TMEM184B: variants seen among roughly 807,000 people sequenced by gnomAD.
TMEM184B encodes the protein transmembrane protein 184B.
In TMEM184B, 17 loss-of-function variants were observed where a neutral mutation model predicts 41.8. The observed-to-expected ratio is 0.41, with a 90% CI of 0.28 to 0.61. The LOEUF is 0.61. Ranked by LOEUF, TMEM184B falls within the 20% of genes least tolerant of loss-of-function variation. TMEM184B has a pLI of 0.34. For missense variants in TMEM184B, 393 were observed against 557.8 expected (o/e 0.70, Z 2.98); for synonymous variants, 240 against 229.5 (o/e 1.05, Z -0.41).
intron 1 of TMEM184B, among the ~76,000 whole-genome samples, chr22:38,267,510 G>A (rs2092461020): frequency 6.7e-6 from 1 of 149,590 alleles, no homozygotes; most frequent in African/African-American, 2.5e-5. Flanking sequence ...TCAGCTCACT[G>A]CAACCTCCGC....
At position 38,272,955 on chromosome 22, in the gene TMEM184B, G is replaced by A. The variant is rs896270611; in HGVS notation, c.-130C>T. The A allele has an allele frequency of 2.3e-4, 86 of 374,336 alleles. No homozygotes were observed. The highest frequency in any genetic ancestry group is 3.2e-4 in the Admixed American group (5 of 15,394). The allele number at this position is 374,336 out of a possible 1,614,324, so 23.2% of individuals were successfully genotyped here. ...GCCGGACTCTGCGGGCGGGGCGGGCGGCGCCGCAGCCCCGGAGTCTCCGCC... is the reference window on the plus strand; with the variant it reads ...GCCGGACTCTGCGGGCGGGGCGGGCAGCGCCGCAGCCCCGGAGTCTCCGCC... On this transcript the variant is annotated 5_prime_UTR_variant, in exon 1 of 9. Transcript: ENST00000361906.
intron 1 of TMEM184B, among the ~76,000 whole-genome samples, chr22:38,267,914 C>T (rs1472168984): frequency 1.3e-5 from 2 of 152,216 alleles, no homozygotes; most frequent in Non-Finnish European, 2.9e-5. Context: ...CACGCACCAT[C>T]CTTCTATGCC....
Position 38,268,863 on chromosome 22 carries a change from C to T in TMEM184B, c.-59+4021G>A, listed in dbSNP as rs551256027. ...CTCGGCTCCTGAGGGCGGCTCCCCGCAAACAGCCTGGCACACAGGCCTGCG... is the reference window on the plus strand; with the variant it reads ...CTCGGCTCCTGAGGGCGGCTCCCCGTAAACAGCCTGGCACACAGGCCTGCG... On this transcript the variant is annotated intron_variant, in intron 1 of 8. Coordinates refer to ENST00000361906, the MANE Select transcript of TMEM184B (RefSeq NM_012264.5). Among the ~76,000 whole-genome samples the T allele has an allele frequency of 9.8e-5, 15 of 152,398 alleles. No homozygotes were observed. The South Asian group carries it at 3.1e-3, about 32-fold the overall frequency.
intron 1 of TMEM184B, among the ~76,000 whole-genome samples, chr22:38,259,493 G>A (rs977890466): frequency 3.9e-5 from 6 of 152,206 alleles, no homozygotes; most frequent in Non-Finnish European, 2.9e-5. Flanking sequence ...CGAGAAGAGG[G>A]CAGCGTGACA....
chr22:38,226,758 C>G lies in TMEM184B; in HGVS notation c.617+21G>C. ...GCGCCAACACTCCTCCCACACACCCCGGGGAGCACCCGCTGCTTACTCAAA... is the reference window on the plus strand; with the variant it reads ...GCGCCAACACTCCTCCCACACACCCGGGGGAGCACCCGCTGCTTACTCAAA... On this transcript the variant is annotated intron_variant, in intron 6 of 8. Transcript: ENST00000361906. The surrounding 1 kb of genome is among the most constrained non-coding windows in gnomAD (Gnocchi z 4.6). The G allele has an allele frequency of 1.9e-6, 3 of 1,576,476 alleles. No individual in the cohort carries two copies. Among genetic ancestry groups the G allele is most frequent in the Non-Finnish European group, 2.6e-6 (3 of 1,160,788 alleles).
At chr22:38,222,843 T>A in intron 8 of TMEM184B, 1 of 316,104 alleles carries the variant, frequency 3.2e-6, no homozygotes, top group Non-Finnish European at 4.6e-6. Context: ...CCCAGGAAGC[T>A]CCAGGTGCCT....
At chr22:38,253,033 TG>T (rs1163615797) in intron 1 of TMEM184B, among the ~76,000 whole-genome samples, 1 of 152,000 alleles carries the variant, frequency 6.6e-6, no homozygotes, top group Non-Finnish European at 1.5e-5. Flanking sequence ...TCCCAGCTAC[TG>T]GGGAGGCTGA....
downstream of TMEM184B, chr22:38,219,268 A>AG: frequency 1.0e-6 from 1 of 985,558 alleles, no homozygotes; most frequent in African/African-American, 1.7e-5. Context: ...GGGAGGAGGA[A>AG]GGAAAAACCT....
chr22:38,241,951 G>A (rs1330529300), intron 3 of TMEM184B, among the ~76,000 whole-genome samples: 1 of 145,674 alleles, frequency 6.9e-6, no homozygotes, highest in African/African-American at 2.6e-5. Flanking sequence ...ATAGTAGGAA[G>A]TCACCATGTA....
At chr22:38,222,492 C>T in intron 8 of TMEM184B, 1 of 615,694 alleles carries the variant, frequency 1.6e-6, no homozygotes, top group Non-Finnish European at 2.0e-6. Flanking sequence ...CAGAGGGTGG[C>T]CCTTGACAGG....
At chr22:38,252,289 G>A (rs536031294) in intron 1 of TMEM184B, among the ~76,000 whole-genome samples, 6 of 152,240 alleles carry the variant, frequency 3.9e-5, no homozygotes, top group African/African-American at 1.4e-4. Context: ...TCGAGCTCCT[G>A]GGCTCAAGCG....
At position 38,239,525 on chromosome 22, in the gene TMEM184B, G is replaced by A. The variant is rs2091858230; in HGVS notation, c.358+6410C>T. On this transcript the variant is annotated intron_variant, in intron 3 of 8. Coordinates refer to ENST00000361906, the MANE Select transcript of TMEM184B (RefSeq NM_012264.5). The surrounding 1 kb of genome is among the most constrained non-coding windows in gnomAD (Gnocchi z 4.6). ...GTTGGGGGTGGGGGTGGGAGTCAGA[G>A]CCCTAGGAAAAATCAGCACTGCACA... 1 of 152,204 alleles carries A rather than the reference G, an allele frequency of 6.6e-6. No homozygotes were observed. The highest frequency in any genetic ancestry group is 1.5e-5 in the Non-Finnish European group (1 of 68,052). 9.4% of individuals were successfully genotyped at this position (152,204 alleles called of 1,614,324 possible).
At chr22:38,252,653 G>T (rs971766488) in intron 1 of TMEM184B, among the ~76,000 whole-genome samples, 9 of 152,134 alleles carry the variant, frequency 5.9e-5, no homozygotes, top group African/African-American at 2.2e-4. Context: ...CTGGGGAGGG[G>T]GTCAGAGAAG....
At chr22:38,231,368 A>T in intron 3 of TMEM184B, 34 bp from the exon 4 acceptor site, 1 of 1,545,574 alleles carries the variant, frequency 6.5e-7, no homozygotes, top group Non-Finnish European at 8.9e-7. Context: ...AACCAGTCAA[A>T]TCAGCAGAAT....
rs2091250867 is a variant in TMEM184B at position 38,221,241 on chromosome 22, TCGCC to T, written c.*224_*227del. 1 of 1,395,686 alleles carries T rather than the reference TCGCC, an allele frequency of 7.2e-7. No individual in the cohort carries two copies. The highest frequency in any genetic ancestry group is 9.3e-7 in the Non-Finnish European group (1 of 1,078,790). 86.5% of individuals were successfully genotyped at this position (1,395,686 alleles called of 1,614,324 possible). A position where few individuals can be genotyped will look rare whatever the true frequency, so the allele number is the denominator to read the frequency against. On this transcript the variant is annotated 3_prime_UTR_variant, in exon 9 of 9. Coordinates refer to ENST00000361906, the MANE Select transcript of TMEM184B (RefSeq NM_012264.5). Reference sequence around the variant, plus strand: ...GCCTTGCTCCCAGTGTCCTCTGCCCTCGCCCGGGCAGTGCAGGCTGGGCCATGTA... The same window carrying T: ...GCCTTGCTCCCAGTGTCCTCTGCCCTCGGGCAGTGCAGGCTGGGCCATGTA...
chr22:38,252,033 CCACAGG>C (rs979431833), intron 1 of TMEM184B, among the ~76,000 whole-genome samples: 1 of 151,854 alleles, frequency 6.6e-6, no homozygotes, highest in African/African-American at 2.4e-5. Context: ...GCAGCTGGGA[CCACAGG>C]CATGTGCCAC....
chr22:38,246,879 C>T, intron 2 of TMEM184B: 1 of 1,302,636 alleles, frequency 7.7e-7, no homozygotes, highest in Non-Finnish European at 1.0e-6. Context: ...CCCAGCCGAG[C>T]CCTGGGCTGG....
In TMEM184B at chr22:38,239,006, CT is replaced by C. The variant is rs1342319226; in HGVS notation, c.358+6928del. 6.6e-5 allele frequency among the ~76,000 whole-genome samples: 10 copies of C among 152,236 alleles called. No individual in the cohort carries two copies. Among genetic ancestry groups the C allele is most frequent in the African/African-American group, 2.4e-4 (10 of 41,448 alleles). Reference sequence around the variant, plus strand: ...CGCAAACATTCCTAACAAACAGCAACTGCATAAAGCGACATACGGACACCGC... The same window carrying C: ...CGCAAACATTCCTAACAAACAGCAACGCATAAAGCGACATACGGACACCGC... On this transcript the variant is annotated intron_variant, in intron 3 of 8. Coordinates refer to ENST00000361906, the MANE Select transcript of TMEM184B (RefSeq NM_012264.5). The surrounding 1 kb of genome is among the most constrained non-coding windows in gnomAD (Gnocchi z 4.6).
rs375063650 is a variant in TMEM184B, at chr22:38,239,244, G to A, written c.358+6691C>T. Among the ~76,000 whole-genome samples, 1 of 152,164 alleles carries A rather than the reference G, an allele frequency of 6.6e-6. No homozygotes were observed. The highest frequency in any genetic ancestry group is 1.5e-5 in the Non-Finnish European group (1 of 68,036). The stretch of plus-strand genomic sequence containing the variant: ...GAATTCCAGCCCTCGCAGATGGTAC[G>A]TGGCACTAAGCCCTCTTCCAAGACT... On this transcript the variant is annotated intron_variant, in intron 3 of 8. Transcript: ENST00000361906. This position sits in a 1 kb window ranked among gnomAD's most constrained non-coding sequence, Gnocchi z 4.6.
Sources: gnomAD v4.1 joint callset for allele counts (sites outside exome capture counted in the v4.1 genomes callset) on GRCh38, gnomAD v4.1.1 for gene constraint, Gnocchi (gnomAD v3.1) non-coding constraint, MANE v1.5 for transcripts, NCBI Gene and HGNC (gene_info 2026-07-23, HGNC 2026-07-21) for gene names.